Variants in TASP1 observed in about 807,000 individuals in gnomAD.
TASP1 encodes the protein threonine aspartase 1.
TASP1 carries 16 observed loss-of-function variants against 56.6 expected under a neutral mutation model. That is an observed-to-expected ratio of 0.28 (90% CI 0.19 to 0.43). The LOEUF (loss-of-function observed/expected upper bound fraction) is 0.43, where lower values mean the gene tolerates loss of function less well. Among genes scored for constraint, TASP1 ranks in the 20% least tolerant of loss-of-function variants. The pLI is 1.00. For synonymous variants in TASP1, 179 were observed against 184.2 expected (o/e 0.97, Z 0.23); for missense variants, 393 against 511.6 (o/e 0.77, Z 2.24).
At position 13,521,016 on chromosome 20, in the gene TASP1, T is replaced by G. The variant is rs561178109; in HGVS notation, c.874+7417A>C. On this transcript the variant is annotated intron_variant, in intron 10 of 13. Coordinates refer to ENST00000337743, the MANE Select transcript of TASP1 (RefSeq NM_017714.3). ...GACATTTATGCAACCAAAAGACACA[T>G]GAAAAAATGCTCATCATCACTGGCC... is the stretch of plus-strand genomic sequence containing the variant. Among the ~76,000 whole-genome samples the G allele has an allele frequency of 2.6e-5, 4 of 152,086 alleles. No homozygotes were observed. In the South Asian group the frequency reaches 6.2e-4, roughly 24 times the overall value.
chr20:13,562,095 T>C (rs1304541348), intron 7 of TASP1, among the ~76,000 whole-genome samples: 1 of 152,172 alleles, frequency 6.6e-6, no homozygotes, highest in African/African-American at 2.4e-5. Context: ...ACAATGTATC[T>C]TCTCCAACTA....
At chr20:13,454,042 A>G (rs76281327) in intron 11 of TASP1, among the ~76,000 whole-genome samples, 5,598 of 151,366 alleles carry the variant, frequency 0.037, 131 homozygotes, top group African/African-American at 0.059. Flanking sequence ...TGAGAAGTAA[A>G]GAACCTAGGA....
intron 10 of TASP1, among the ~76,000 whole-genome samples, chr20:13,523,123 C>T (rs2044830189): frequency 6.6e-6 from 1 of 151,966 alleles, no homozygotes; most frequent in Non-Finnish European, 1.5e-5. Flanking sequence ...AATAATAAAC[C>T]TTGAGTATAG....
chr20:13,191,010 A>G, the TASP1 span, among the ~76,000 whole-genome samples: 1 of 152,174 alleles, frequency 6.6e-6, no homozygotes, highest in Admixed American at 6.6e-5. Flanking sequence ...AGTATCACTA[A>G]TCATCAAGGA....
chr20:13,631,939 G>C (rs1412931490), intron 1 of TASP1, among the ~76,000 whole-genome samples: 2 of 151,502 alleles, frequency 1.3e-5, no homozygotes, highest in Admixed American at 1.3e-4. Flanking sequence ...TGTAATCCCA[G>C]CTACTTGGGA....
chr20:13,580,804 G>T, intron 6 of TASP1, 93 bp downstream of exon 6: 1 of 1,231,298 alleles, frequency 8.1e-7, no homozygotes, highest in Non-Finnish European at 1.2e-6. Flanking sequence ...TCTTCGCAAA[G>T]GCATGCTACC....
At chr20:13,619,321 T>C (rs1327188173) in intron 4 of TASP1, among the ~76,000 whole-genome samples, 9 of 152,220 alleles carry the variant, frequency 5.9e-5, no homozygotes, top group African/African-American at 2.2e-4. Context: ...TTCATCAGTT[T>C]TCTCACAAAA....
chr20:13,247,517 G>GGTGTGTGTGTGTGTCTGTGTGTGTGT, the TASP1 span, among the ~76,000 whole-genome samples: 11 of 139,806 alleles, frequency 7.9e-5, no homozygotes, highest in African/African-American at 2.7e-4. Context: ...CAAAGTGAGG[G>GGTGTGTGTGTGTGTCTGTGTGTGTGT]GTGTGTGTGT....
At chr20:13,306,566 A>AAAAAAAAAAAAAAAAAAAAAAAAC in the TASP1 span, among the ~76,000 whole-genome samples, 2 of 60,824 alleles carry the variant, frequency 3.3e-5, no homozygotes, top group Admixed American at 2.1e-4. Context: ...AGAAAGGACA[A>AAAAAAAAAAAAAAAAAAAAAAAAC]AAAAAAAAAA....
intron 11 of TASP1, among the ~76,000 whole-genome samples, chr20:13,444,422 A>G (rs191249172): frequency 3.9e-5 from 6 of 152,324 alleles, no homozygotes; most frequent in Admixed American, 6.5e-5. Context: ...GAGGAATTAC[A>G]TATCTATGGA....
chr20:13,590,669 C>A (rs1048067545), intron 4 of TASP1, among the ~76,000 whole-genome samples: 3 of 151,938 alleles, frequency 2.0e-5, no homozygotes, highest in Non-Finnish European at 2.9e-5. Flanking sequence ...CATTCGAGAC[C>A]AGCCTGGCCA....
intron 4 of TASP1, among the ~76,000 whole-genome samples, chr20:13,618,113 A>C (rs1328628018): frequency 6.6e-6 from 1 of 152,062 alleles, no homozygotes; most frequent in Non-Finnish European, 1.5e-5. Context: ...GCCTGCCTTA[A>C]AGAAATGAAG....
intron 12 of TASP1, among the ~76,000 whole-genome samples, chr20:13,426,956 C>G (rs1021724769): frequency 6.6e-6 from 1 of 152,174 alleles, no homozygotes; most frequent in Non-Finnish European, 1.5e-5. Flanking sequence ...AAGTTATTAA[C>G]ATCAGACAAA....
the TASP1 span, among the ~76,000 whole-genome samples, chr20:13,333,448 A>G: frequency 6.6e-6 from 1 of 152,208 alleles, no homozygotes; most frequent in Non-Finnish European, 1.5e-5. Context: ...TTTGAGCCCA[A>G]ATATTTTAGG....
the TASP1 span, among the ~76,000 whole-genome samples, chr20:13,239,949 G>A: frequency 6.6e-6 from 1 of 152,332 alleles, no homozygotes; most frequent in South Asian, 2.1e-4. Flanking sequence ...GAGAATTAGA[G>A]TAAGTGTACA....
chr20:13,212,141 G>A, the TASP1 span, among the ~76,000 whole-genome samples: 1 of 152,134 alleles, frequency 6.6e-6, no homozygotes, highest in Non-Finnish European at 1.5e-5. Flanking sequence ...AACTGTTCTT[G>A]CAGTTGGGTG....
the TASP1 span, among the ~76,000 whole-genome samples, chr20:13,109,800 G>A: frequency 6.6e-6 from 1 of 152,180 alleles, no homozygotes; most frequent in African/African-American, 2.4e-5. Flanking sequence ...TTAGACCTAA[G>A]AGATGCATTT....
At chr20:13,119,254 C>T in the TASP1 span, among the ~76,000 whole-genome samples, 1 of 152,180 alleles carries the variant, frequency 6.6e-6, no homozygotes, top group Non-Finnish European at 1.5e-5. Flanking sequence ...CCTGAATAAA[C>T]CGAAGCAAGC....
At chr20:13,589,550 C>T (rs999181659) in intron 4 of TASP1, among the ~76,000 whole-genome samples, 1 of 151,856 alleles carries the variant, frequency 6.6e-6, no homozygotes, top group Admixed American at 6.6e-5. Context: ...CCTTGGATAA[C>T]AAAATAGTTT....
Sources: gnomAD v4.1 joint callset for allele counts (sites outside exome capture counted in the v4.1 genomes callset) on GRCh38, gnomAD v4.1.1 for gene constraint, MANE v1.5 for transcripts, NCBI Gene and HGNC (gene_info 2026-07-23, HGNC 2026-07-21) for gene names.